The following TLL1 variants were observed in gnomAD, a reference collection of about 807,000 sequenced individuals.
The protein encoded by TLL1 is tolloid-like protein 1.
In TLL1, 49 loss-of-function variants were observed where a neutral mutation model predicts 128.2. The observed-to-expected ratio is 0.38, with a 90% CI of 0.30 to 0.48. The LOEUF is 0.48. Ranked by LOEUF, TLL1 falls within the 20% of genes least tolerant of loss-of-function variation. TLL1 has a pLI of 0.96. For synonymous variants in TLL1, 454 were observed against 418.8 expected, an observed-to-expected ratio of 1.08 and a Z score of -1.03; for missense variants, 1,123 against 1,242.0, an observed-to-expected ratio of 0.90 and a Z score of 1.44.
chr4:166,066,788 C>T (rs1740594125), intron 16 of TLL1, among the ~76,000 whole-genome samples: 1 of 151,706 alleles, frequency 6.6e-6, no homozygotes, highest in South Asian at 2.1e-4. Flanking sequence ...GACCTCGGCT[C>T]CCGTGTTCTC....
chr4:166,026,199 C>T (rs1271596142), intron 9 of TLL1, among the ~76,000 whole-genome samples: 1 of 151,596 alleles, frequency 6.6e-6, no homozygotes, highest in Admixed American at 6.6e-5. Flanking sequence ...ACCAGACTGG[C>T]CAACATTGAT....
intron 6 of TLL1, among the ~76,000 whole-genome samples, chr4:166,007,694 G>C (rs7679345): frequency 0.5 from 76,044 of 151,522 alleles, 19,900 homozygotes; most frequent in African/African-American, 0.66. Context: ...ACATATAAAA[G>C]AAAGTATGCT....
intron 1 of TLL1, among the ~76,000 whole-genome samples, chr4:165,935,710 A>G (rs1258273493): frequency 6.6e-6 from 1 of 152,172 alleles, no homozygotes. Flanking sequence ...ATTCCTACAC[A>G]CTATAGTTTA....
chr4:166,065,991 A>G lies in TLL1; in HGVS notation c.2188+128A>G, dbSNP rs539639641. 4.1e-3 allele frequency: 738 copies of G among 181,822 alleles called. 35 individuals are homozygous for G. In the Middle Eastern group the frequency reaches 0.093, roughly 23 times the overall value. 11.3% of individuals were successfully genotyped at this position (181,822 alleles called of 1,614,324 possible). A position where few individuals can be genotyped will look rare whatever the true frequency, so the allele number is the denominator to read the frequency against. On this transcript the variant is annotated intron_variant, in intron 16 of 20. Transcript: ENST00000061240. Reference sequence around the variant, plus strand: ...TGAAGATAAGTAGGCCTTACAAACAACACAAAAATAATTATAGCAATATTT... The same window carrying G: ...TGAAGATAAGTAGGCCTTACAAACAGCACAAAAATAATTATAGCAATATTT...
chr4:165,953,136 C>A (rs2110943607), intron 1 of TLL1, among the ~76,000 whole-genome samples: 1 of 152,234 alleles, frequency 6.6e-6, no homozygotes, highest in East Asian at 1.9e-4. Context: ...GGTTTGATAT[C>A]ATGATTATCA....
At chr4:166,055,576 G>A (rs1324034127) in intron 13 of TLL1, among the ~76,000 whole-genome samples, 1 of 152,076 alleles carries the variant, frequency 6.6e-6, no homozygotes, top group African/African-American at 2.4e-5. Context: ...AACCAACCAA[G>A]AATTCATGAA....
At chr4:166,046,775 C>T (rs578152093) in intron 12 of TLL1, among the ~76,000 whole-genome samples, 7 of 152,224 alleles carry the variant, frequency 4.6e-5, no homozygotes, top group South Asian at 2.1e-4. Flanking sequence ...TAAACAGAAA[C>T]GCACAAAACA....
At chr4:165,892,918 A>G (rs1348870744) in intron 1 of TLL1, among the ~76,000 whole-genome samples, 2 of 151,994 alleles carry the variant, frequency 1.3e-5, no homozygotes, top group South Asian at 2.1e-4. Context: ...ATTGGATTTC[A>G]TTTTCAAGAT....
At chr4:166,062,842 A>G (rs1376943552) in intron 15 of TLL1, among the ~76,000 whole-genome samples, 1 of 152,064 alleles carries the variant, frequency 6.6e-6, no homozygotes, top group African/African-American at 2.4e-5. Context: ...TCAGTATGAT[A>G]TTGGCTGTGG....
intron 8 of TLL1, among the ~76,000 whole-genome samples, chr4:166,015,582 G>C (rs1322492570): frequency 6.6e-6 from 1 of 152,016 alleles, no homozygotes; most frequent in Non-Finnish European, 1.5e-5. Context: ...AAGAGGGCTA[G>C]CTAATTCATT....
In TLL1 at chr4:165,989,417, A is replaced by G; in HGVS notation, c.206A>G (p.Asp69Gly). ...FWGDIALDDE[D>G]LNIFQIDRTI... is the part of the protein sequence containing the mutation. ...GGCGATATTGCCTTAGATGATGAAG[A>G]CTTAAATATCTTTCAAATAGATAGG... The change falls in exon 2 of 21, where the codon GAC becomes GGC. Residue 69 changes from aspartate to glycine, a missense_variant. Asp to Gly is a moderately conservative substitution (Grantham distance 94). Around this residue, in one of 3 missense-constraint regions of TLL1, gnomAD observed 480 missense variants for 542.4 expected, o/e 0.89. Transcript: ENST00000061240. 2 of 1,612,822 alleles carry G rather than the reference A, an allele frequency of 1.2e-6. No individual in the cohort carries two copies. Among genetic ancestry groups the G allele is most frequent in the East Asian group, 2.2e-5 (1 of 44,776 alleles).
In TLL1 at chr4:165,993,831, A is replaced by G. The variant is rs376762076; in HGVS notation, c.362-550A>G. Among the ~76,000 whole-genome samples, 10 of 152,232 alleles carry G rather than the reference A, an allele frequency of 6.6e-5. No individual in the cohort carries two copies. The East Asian group carries it at 1.7e-3, about 26-fold the overall frequency. ...GCATTCCTTAATATGAATACTGAGG[A>G]AACTGGAATGGAGATAGCTTGTTGT... On this transcript the variant is annotated intron_variant, in intron 3 of 20. Transcript: ENST00000061240.
At chr4:165,965,141 A>T (rs533696613) in intron 1 of TLL1, among the ~76,000 whole-genome samples, 1 of 152,222 alleles carries the variant, frequency 6.6e-6, no homozygotes, top group South Asian at 2.1e-4. Context: ...CTTTGTTTCT[A>T]TGTTAAATTA....
At position 165,931,676 on chromosome 4, in the gene TLL1, A is replaced by G. The variant is rs1451562490; in HGVS notation, c.169+57603A>G. Among the ~76,000 whole-genome samples, 11 of 146,466 alleles carry G rather than the reference A, an allele frequency of 7.5e-5. 1 individual carries two copies. In the South Asian group the frequency reaches 8.8e-4, roughly 12 times the overall value. ...GGAGCTTGCAGTGAGCTGAGATTGC[A>G]CCACTGCACTCCAGCCTGGGCGACA... On this transcript the variant is annotated intron_variant, in intron 1 of 20. Coordinates refer to ENST00000061240, the MANE Select transcript of TLL1 (RefSeq NM_012464.5).
At chr4:165,884,244 G>T (rs977433083) in intron 1 of TLL1, among the ~76,000 whole-genome samples, 1 of 152,134 alleles carries the variant, frequency 6.6e-6, no homozygotes, top group Non-Finnish European at 1.5e-5. Flanking sequence ...TCACATAATT[G>T]CATGCTAAGT....
intron 1 of TLL1, among the ~76,000 whole-genome samples, chr4:165,982,540 AGGACTCC>A (rs142432152): frequency 0.01 from 1,555 of 151,922 alleles, 17 homozygotes; most frequent in African/African-American, 0.036. Flanking sequence ...CCAAAGAGAA[AGGACTCC>A]GGACTTTGAT....
At chr4:166,046,304 T>A (rs1739459069) in intron 12 of TLL1, among the ~76,000 whole-genome samples, 1 of 152,178 alleles carries the variant, frequency 6.6e-6, no homozygotes, top group Non-Finnish European at 1.5e-5. Flanking sequence ...AAGATTTAGA[T>A]TATGGAGTAC....
Position 166,048,259 on chromosome 4 carries a change from G to T in TLL1, c.1524+4840G>T, listed in dbSNP as rs1014640021. On this transcript the variant is annotated intron_variant, in intron 12 of 20. Coordinates refer to ENST00000061240, the MANE Select transcript of TLL1 (RefSeq NM_012464.5). Reference sequence around the variant, plus strand: ...CTCGGAAAAAAAAAAAAAAAAAAAGGCCTAGGGAGCTTCTACCATGTGAGG... The same window carrying T: ...CTCGGAAAAAAAAAAAAAAAAAAAGTCCTAGGGAGCTTCTACCATGTGAGG... Among the ~76,000 whole-genome samples the T allele has an allele frequency of 1.0e-4, 14 of 139,066 alleles. No individual in the cohort carries two copies. The East Asian group carries it at 2.8e-3, about 28-fold the overall frequency. The allele number at this position is 139,066 out of a possible 152,430, so 91.2% of individuals were successfully genotyped here.
At chr4:165,972,590 G>A in intron 1 of TLL1, among the ~76,000 whole-genome samples, 1 of 152,052 alleles carries the variant, frequency 6.6e-6, no homozygotes, top group East Asian at 1.9e-4. Flanking sequence ...AATACTCTTG[G>A]TTGACTGTCT....
Sources: allele counts gnomAD v4.1 joint callset (sites outside exome capture counted in the v4.1 genomes callset), GRCh38; gene constraint gnomAD v4.1.1; regional missense constraint gnomAD v4.1.1; transcripts MANE v1.5; gene names NCBI Gene and HGNC (gene_info 2026-07-23, HGNC 2026-07-21).